ZFYVE1: variants seen among roughly 807,000 people sequenced by gnomAD.
ZFYVE1 encodes the protein zinc finger FYVE-type containing 1.
A neutral mutation model predicts 74.4 loss-of-function variants in ZFYVE1; 30 were observed. That is an observed-to-expected ratio of 0.40 (90% CI 0.30 to 0.55). The LOEUF is 0.55. Among genes scored for constraint, ZFYVE1 ranks in the 20% least tolerant of loss-of-function variants. The pLI, the probability that ZFYVE1 is intolerant of heterozygous loss-of-function variation, is 0.42. For missense variants in ZFYVE1, 703 were observed against 1,011.6 expected (o/e 0.69, Z 4.14); for synonymous variants, 335 against 385.1 (o/e 0.87, Z 1.52).
At chr14:73,009,552 C>A (rs558966083) in intron 2 of ZFYVE1, among the ~76,000 whole-genome samples, 1 of 152,242 alleles carries the variant, frequency 6.6e-6, no homozygotes, top group Non-Finnish European at 1.5e-5. Flanking sequence ...GTCAGGAGTT[C>A]GAGACCAGCC....
At chr14:72,987,089 A>G (rs1893501422) in intron 4 of ZFYVE1, 2 of 404,330 alleles carry the variant, frequency 4.9e-6, no homozygotes, top group Non-Finnish European at 6.7e-6. Flanking sequence ...TATTGTATCT[A>G]TAGGGCTGGC....
At chr14:72,983,600 A>G (rs1350820133) in intron 4 of ZFYVE1, among the ~76,000 whole-genome samples, 1 of 151,908 alleles carries the variant, frequency 6.6e-6, no homozygotes, top group Non-Finnish European at 1.5e-5. Flanking sequence ...CCAGTCTATC[A>G]TTGATGGACA....
chr14:72,969,690 T>C lies in ZFYVE1; in HGVS notation c.*1192A>G, dbSNP rs74062616. The C allele has an allele frequency of 4.7e-3, 3,330 of 702,186 alleles. 72 individuals are homozygous for C. Among genetic ancestry groups the C allele is most frequent in the African/African-American group, 0.044 (2,534 of 57,272 alleles). 43.5% of individuals were successfully genotyped at this position (702,186 alleles called of 1,614,324 possible). On this transcript the variant is annotated 3_prime_UTR_variant, in exon 12 of 12. Transcript: ENST00000556143. The stretch of plus-strand genomic sequence containing the variant: ...TCGTGTTTGGCCACTGAAGATCAAA[T>C]CCACCATGATGATAGGATTTCAGCA...
intron 2 of ZFYVE1, among the ~76,000 whole-genome samples, chr14:73,005,652 C>CT (rs775943832): frequency 8.6e-4 from 131 of 152,294 alleles, no homozygotes; most frequent in Non-Finnish European, 1.7e-3. Flanking sequence ...TGTCCAGCTC[C>CT]TAGCGACACT....
At chr14:73,004,460 C>CTCTA (rs1555533914) in intron 2 of ZFYVE1, among the ~76,000 whole-genome samples, 1 of 150,046 alleles carries the variant, frequency 6.7e-6, no homozygotes. Context: ...AAATGATGTA[C>CTCTA]TATATATATA....
At chr14:72,989,991 G>A (rs930957814) in intron 4 of ZFYVE1, among the ~76,000 whole-genome samples, 15 of 152,032 alleles carry the variant, frequency 9.9e-5, no homozygotes, top group African/African-American at 3.6e-4. Context: ...GAGAAGAAAA[G>A]ACAGCCATTT....
At chr14:73,000,596 T>G (rs1426500936) in intron 2 of ZFYVE1, among the ~76,000 whole-genome samples, 2 of 149,152 alleles carry the variant, frequency 1.3e-5, no homozygotes, top group African/African-American at 2.5e-5. Context: ...AGAGAGAAGC[T>G]CTGTCTCTAA....
In ZFYVE1 at chr14:72,998,097, G is replaced by A. The variant is rs762124006; in HGVS notation, c.702C>T (p.Ile234=). 1.3e-5 allele frequency: 21 copies of A among 1,613,928 alleles called. No individual in the cohort carries two copies. Among genetic ancestry groups the A allele is most frequent in the East Asian group, 4.5e-5 (2 of 44,890 alleles). Residue 234 remains isoleucine (I), a synonymous_variant, in exon 3 of 12, where the codon ATC becomes ATT. Coordinates refer to ENST00000556143, the MANE Select transcript of ZFYVE1 (RefSeq NM_021260.4). The stretch of plus-strand genomic sequence containing the variant: ...TGGCCCCCAGGAGCCCTTCCGTATC[G>A]ATCACTGCTACTTTGTGAACTGGGT... ...AYDPVHKVAV[I]DTEGLLGATV...
rs1893132920 is a variant in ZFYVE1 at position 72,975,038 on chromosome 14, C to T, written c.1807-79G>A. On this transcript the variant is annotated intron_variant, in intron 9 of 11. Transcript: ENST00000556143. This position sits in a 1 kb window ranked among gnomAD's most constrained non-coding sequence, Gnocchi z 4.1. ...CTCAGCTGAGAAAGTCAACAAGACC[C>T]CGGAGCAAGCAGAAACTAAGGCAGG... 5 of 1,466,964 alleles carry T rather than the reference C, an allele frequency of 3.4e-6. No homozygotes were observed. Among genetic ancestry groups the T allele is most frequent in the Middle Eastern group, 3.6e-4 (2 of 5,496 alleles). 90.9% of individuals were successfully genotyped at this position (1,466,964 alleles called of 1,614,324 possible).
intron 2 of ZFYVE1, among the ~76,000 whole-genome samples, chr14:73,012,058 A>T (rs1195897850): frequency 6.6e-6 from 1 of 151,768 alleles, no homozygotes; most frequent in Non-Finnish European, 1.5e-5. Context: ...TCTATTAAAA[A>T]TTAAAAAATA....
Position 72,969,608 on chromosome 14 carries a change from A to G in ZFYVE1, c.*1274T>C. On this transcript the variant is annotated 3_prime_UTR_variant, in exon 12 of 12. Transcript: ENST00000556143. ...GATAGGCGCACCAGGAATGACCGCC[A>G]TATACTTCCCTAAAGCTCAACCCAC... 2 of 677,584 alleles carry G rather than the reference A, an allele frequency of 3.0e-6. No homozygotes were observed. The highest frequency in any genetic ancestry group is 1.8e-5 in the African/African-American group (1 of 56,538). The allele number at this position is 677,584 out of a possible 1,614,324, so 42.0% of individuals were successfully genotyped here. A position where few individuals can be genotyped will look rare whatever the true frequency, so the allele number is the denominator to read the frequency against.
chr14:73,024,487 C>A lies in ZFYVE1; in HGVS notation c.22G>T (p.Ala8Ser). MSAQTSP[A>S]EKGLNPGLMC... ...AGCCCCGGATTCAGGCCCTTCTCTG[C>A]TGGGGAAGTCTGGGCACTCATACTC... The change falls in exon 2 of 12, where the codon GCA becomes TCA. Residue 8 changes from alanine (A) to serine (S), a missense_variant. Ala to Ser is a moderately conservative substitution (Grantham distance 99). This residue lies in a region of ZFYVE1 where 211 missense variants were observed against 221.7 expected (regional missense o/e 0.95). Transcript: ENST00000556143. 6.2e-7 allele frequency: 1 copy of A among 1,606,834 alleles called. No homozygotes were observed. Among genetic ancestry groups the A allele is most frequent in the South Asian group, 1.1e-5 (1 of 90,024 alleles).
At chr14:72,991,183 A>ATTTTTTT in intron 4 of ZFYVE1, among the ~76,000 whole-genome samples, 3 of 83,568 alleles carry the variant, frequency 3.6e-5, no homozygotes, top group Non-Finnish European at 6.8e-5. Flanking sequence ...CCCTGATGGT[A>ATTTTTTT]TTTTTTTTTT....
At chr14:73,026,114 G>T in intron 1 of ZFYVE1, among the ~76,000 whole-genome samples, 3 of 143,438 alleles carry the variant, frequency 2.1e-5, no homozygotes, top group African/African-American at 2.6e-5. Context: ...TAATTCTTCT[G>T]TCCCTTCTTT....
intron 2 of ZFYVE1, among the ~76,000 whole-genome samples, chr14:73,002,760 G>C (rs1314061226): frequency 9.0e-6 from 1 of 111,048 alleles, no homozygotes; most frequent in Non-Finnish European, 1.9e-5. Flanking sequence ...TTTTTTTTCT[G>C]AGACAGAGTC....
rs1231231862 is a variant in ZFYVE1 at position 73,024,461 on chromosome 14, C to T, written c.48G>A (p.Leu16=). The change falls in exon 2 of 12, where the codon CTG becomes CTA. Residue 16 remains leucine (L), a synonymous_variant. Coordinates refer to ENST00000556143, the MANE Select transcript of ZFYVE1 (RefSeq NM_021260.4). ...SPAEKGLNPG[L]MCQESYACSG... is the part of the protein sequence containing the mutation. ...TGCAAGCGTAACTTTCCTGGCACAT[C>T]AGCCCCGGATTCAGGCCCTTCTCTG... 6.2e-7 allele frequency: 1 copy of T among 1,613,588 alleles called. No homozygotes were observed. The highest frequency in any genetic ancestry group is 8.5e-7 in the Non-Finnish European group (1 of 1,179,700).
At position 72,975,753 on chromosome 14, in the gene ZFYVE1, C is replaced by G. The variant is rs996134119; in HGVS notation, c.1636-32G>C. ...TGAAAACGCAGGCTTCCATCATGCT[C>G]TGAGAAGGGAGTGAAAGGAAGGAGG... is the stretch of plus-strand genomic sequence containing the variant. On this transcript the variant is annotated intron_variant, in intron 8 of 11. Transcript: ENST00000556143. This position sits in a 1 kb window ranked among gnomAD's most constrained non-coding sequence, Gnocchi z 4.1. The G allele has an allele frequency of 6.2e-7, 1 of 1,608,280 alleles. No individual in the cohort carries two copies. The highest frequency in any genetic ancestry group is 8.5e-7 in the Non-Finnish European group (1 of 1,176,828).
chr14:73,006,823 A>G (rs1278575485), intron 2 of ZFYVE1, among the ~76,000 whole-genome samples: 2 of 141,272 alleles, frequency 1.4e-5, no homozygotes, highest in Non-Finnish European at 3.0e-5. Context: ...TCAAGCGATT[A>G]TCCTGCCTCA....
chr14:73,010,700 G>A (rs951998067), intron 2 of ZFYVE1, among the ~76,000 whole-genome samples: 13 of 150,532 alleles, frequency 8.6e-5, no homozygotes, highest in African/African-American at 3.2e-4. Flanking sequence ...AACCGGGGAG[G>A]TGGAGGTTGC....
Sources: allele counts gnomAD v4.1 joint callset (sites outside exome capture counted in the v4.1 genomes callset), GRCh38; gene constraint gnomAD v4.1.1; regional missense constraint gnomAD v4.1.1; non-coding constraint Gnocchi (gnomAD v3.1); transcripts MANE v1.5; gene names NCBI Gene and HGNC (gene_info 2026-07-23, HGNC 2026-07-21).